IL17RB: variants seen among roughly 807,000 people sequenced by gnomAD.
IL17RB encodes the protein interleukin 17 receptor B.
In IL17RB, 36 loss-of-function variants were observed where a neutral mutation model predicts 43.9. That is an observed-to-expected ratio of 0.82 (90% CI 0.63 to 1.08). The LOEUF (loss-of-function observed/expected upper bound fraction) is 1.08. Among genes scored for constraint, IL17RB ranks in the 50% least tolerant of loss-of-function variants. IL17RB has a pLI of 0.00. For missense variants in IL17RB, 613 were observed against 613.6 expected, an observed-to-expected ratio of 1.00 and a Z score of 0.01; for synonymous variants, 225 against 225.4, an observed-to-expected ratio of 1.00 and a Z score of 0.02.
At chr3:53,862,285 G>A (rs1183217796) in intron 10 of IL17RB, among the ~76,000 whole-genome samples, 2 of 152,074 alleles carry the variant, frequency 1.3e-5, no homozygotes, top group Non-Finnish European at 2.9e-5. Flanking sequence ...GGACCTTCAA[G>A]GCTCATTACA....
chr3:53,853,613 C>T (rs1025451964), intron 5 of IL17RB, among the ~76,000 whole-genome samples: 2 of 152,216 alleles, frequency 1.3e-5, no homozygotes, highest in African/African-American at 4.8e-5. Context: ...GCTGCAATGT[C>T]ACACACAGGG....
chr3:53,860,135 A>C lies in IL17RB; in HGVS notation c.853A>C (p.Ser285Arg). The change falls in exon 10 of 11, where the codon AGC (serine) becomes CGC (arginine). Residue 285 changes from serine (S) to arginine (R), a missense_variant. By Grantham distance (110) the Ser-to-Arg change is moderately radical. Transcript: ENST00000288167. ...GVPFPLDNNK[S>R]KPGGWLPLLL... ...ATAAGCTTTGTTTTTTCCAGACAAAAGCAAGCCGGGAGGCTGGCTGCCTCT... is the reference window on the plus strand; with the variant it reads ...ATAAGCTTTGTTTTTTCCAGACAAACGCAAGCCGGGAGGCTGGCTGCCTCT... 6.2e-7 allele frequency: 1 copy of C among 1,613,102 alleles called. No individual in the cohort carries two copies. The highest frequency in any genetic ancestry group is 8.5e-7 in the Non-Finnish European group (1 of 1,179,596).
chr3:53,855,209 T>G (rs1288595372), intron 5 of IL17RB, 85 bp from the exon 6 acceptor site: 1 of 704,720 alleles, frequency 1.4e-6, no homozygotes, highest in Non-Finnish European at 2.4e-6. Flanking sequence ...AGGTGTGGTA[T>G]GCGTATGTGT....
At chr3:53,864,401 G>A (rs537158712) in intron 10 of IL17RB, among the ~76,000 whole-genome samples, 7 of 152,292 alleles carry the variant, frequency 4.6e-5, no homozygotes, top group African/African-American at 1.4e-4. Context: ...CAGGCGTGGT[G>A]GCGGGCGCCT....
chr3:53,860,206 G>A lies in IL17RB; in HGVS notation c.924G>A (p.Gly308=), dbSNP rs771086720. The change falls in exon 10 of 11, where the codon GGG becomes GGA. Residue 308 remains glycine, a synonymous_variant. Transcript: ENST00000288167. The part of the protein sequence containing the change: ...LLVATWVLVA[G]IYLMWRHERI... The stretch of plus-strand genomic sequence containing the variant: ...TGGCCACATGGGTGCTGGTGGCAGG[G>A]ATCTATCTAATGTGGAGGCACGGTA... The A allele has an allele frequency of 6.2e-7, 1 of 1,613,570 alleles. No homozygotes were observed. The highest frequency in any genetic ancestry group is 2.2e-5 in the East Asian group (1 of 44,890).
At position 53,855,361 on chromosome 3, in the gene IL17RB, G is replaced by A; in HGVS notation, c.529+20G>A. 1.3e-6 allele frequency: 2 copies of A among 1,548,162 alleles called. No homozygotes were observed. The highest frequency in any genetic ancestry group is 4.5e-5 in the East Asian group (2 of 44,532). On this transcript the variant is annotated intron_variant, in intron 6 of 10. Transcript: ENST00000288167. ...AGGCCGGTAAGTAAATACGGCATTT[G>A]CTTTTATTATTTGAAGAAACTTGTA...
intron 5 of IL17RB, among the ~76,000 whole-genome samples, chr3:53,853,281 G>C (rs1699221850): frequency 6.6e-6 from 1 of 152,220 alleles, no homozygotes; most frequent in Non-Finnish European, 1.5e-5. Context: ...CCAAGGTTGG[G>C]ATAGCTGCAT....
Position 53,865,751 on chromosome 3 carries a change from T to G in IL17RB, c.*443T>G, listed in dbSNP as rs1699762824. 1 of 154,872 alleles carries G rather than the reference T, an allele frequency of 6.5e-6. No individual in the cohort carries two copies. The highest frequency in any genetic ancestry group is 1.4e-5 in the Non-Finnish European group (1 of 69,800). The allele number at this position is 154,872 out of a possible 1,614,324, so 9.6% of individuals were successfully genotyped here. A position where few individuals can be genotyped will look rare whatever the true frequency, so the allele number is the denominator to read the frequency against. On this transcript the variant is annotated 3_prime_UTR_variant, in exon 11 of 11. Transcript: ENST00000288167. ...CCTTCTATTACATGCAAAAAATCAT[T>G]GTTTTTAAGATAACAAAAGTAGGGA...
intron 5 of IL17RB, among the ~76,000 whole-genome samples, 156 bp downstream of exon 5, chr3:53,853,153 T>C (rs1295741135): frequency 1.3e-5 from 2 of 152,228 alleles, no homozygotes; most frequent in East Asian, 1.9e-4. Flanking sequence ...AACCATACTT[T>C]ACCCACAGAG....
chr3:53,848,835 C>G, intron 2 of IL17RB, 147 bp downstream of exon 2: 6 of 887,616 alleles, frequency 6.8e-6, no homozygotes, highest in Non-Finnish European at 1.1e-5. Flanking sequence ...AAGTCTCTGT[C>G]TGCTCGAAGC....
intron 1 of IL17RB, 137 bp downstream of exon 1, chr3:53,846,785 G>A: frequency 1.1e-6 from 1 of 870,616 alleles, no homozygotes. Flanking sequence ...GCACCCTCAG[G>A]GCAGCCCCGG....
At chr3:53,857,993 A>T in intron 8 of IL17RB, 1 of 345,082 alleles carries the variant, frequency 2.9e-6, no homozygotes. Flanking sequence ...GCAAGCCTTT[A>T]ACTGCAAGAT....
rs1425470039 is a variant in IL17RB at position 53,855,334 on chromosome 3, C to G, written c.522C>G (p.Val174=). Reference sequence around the variant, plus strand: ...TAATGAAATATAAAAAAAAGTGTGTCAAGGCCGGTAAGTAAATACGGCATT... The same window carrying G: ...TAATGAAATATAAAAAAAAGTGTGTGAAGGCCGGTAAGTAAATACGGCATT... ...DHIMKYKKKC[V]KAGSLWDPNI... The change falls in exon 6 of 11, where the codon GTC becomes GTG. Residue 174 remains valine, a synonymous_variant. Coordinates refer to ENST00000288167, the MANE Select transcript of IL17RB (RefSeq NM_018725.4). 6 of 1,603,696 alleles carry G rather than the reference C, an allele frequency of 3.7e-6. No individual in the cohort carries two copies. Among genetic ancestry groups the G allele is most frequent in the Non-Finnish European group, 5.1e-6 (6 of 1,171,840 alleles).
At chr3:53,856,461 T>C (rs1699336248) in intron 6 of IL17RB, among the ~76,000 whole-genome samples, 1 of 152,246 alleles carries the variant, frequency 6.6e-6, no homozygotes, top group African/African-American at 2.4e-5. Flanking sequence ...GTGAGTTCAC[T>C]TGCTCTATAA....
chr3:53,859,114 A>G, intron 9 of IL17RB: 1 of 279,158 alleles, frequency 3.6e-6, no homozygotes, highest in South Asian at 1.0e-4. Context: ...GATCTGCTGA[A>G]AAAAGCCAAA....
At chr3:53,856,700 A>G in intron 6 of IL17RB, 144 bp from the exon 7 acceptor site, 2 of 733,864 alleles carry the variant, frequency 2.7e-6, no homozygotes, top group South Asian at 3.7e-5. Context: ...GGAAACAATG[A>G]TAAAAAGTTC....
In IL17RB at chr3:53,858,814, T is replaced by C; in HGVS notation, c.843T>C (p.Asp281=). 6.2e-7 allele frequency: 1 copy of C among 1,612,482 alleles called. No individual in the cohort carries two copies. The highest frequency in any genetic ancestry group is 8.5e-7 in the Non-Finnish European group (1 of 1,178,576). ...CPQTGVPFPL[D]NNKSKPGGWL... ...AAACAGGCGTCCCTTTCCCTCTGGATAACAGTAAGTGCCCAGTAACTTCAA... is the reference window on the plus strand; with the variant it reads ...AAACAGGCGTCCCTTTCCCTCTGGACAACAGTAAGTGCCCAGTAACTTCAA... The change falls in exon 9 of 11, where the codon GAT becomes GAC. Residue 281 remains aspartate, a synonymous_variant. Transcript: ENST00000288167.
At chr3:53,863,418 A>T (rs762176813) in intron 10 of IL17RB, among the ~76,000 whole-genome samples, 1 of 152,192 alleles carries the variant, frequency 6.6e-6, no homozygotes, top group Non-Finnish European at 1.5e-5. Context: ...CCTCTTCTCC[A>T]TATGTAGGAA....
chr3:53,857,791 TG>T, intron 8 of IL17RB, 101 bp downstream of exon 8: 1 of 1,078,140 alleles, frequency 9.3e-7, no homozygotes, highest in Non-Finnish European at 1.4e-6. Context: ...AATGCACTTC[TG>T]CCAGCAGACA....
Sources: allele counts gnomAD v4.1 joint callset (sites outside exome capture counted in the v4.1 genomes callset), GRCh38; gene constraint gnomAD v4.1.1; transcripts MANE v1.5; gene names NCBI Gene and HGNC (gene_info 2026-07-23, HGNC 2026-07-21).